Variants in BEND7 observed in about 807,000 individuals in gnomAD.
The protein encoded by BEND7 is BEN domain containing 7.
A neutral mutation model predicts 50.9 loss-of-function variants in BEND7; 28 were observed. The observed-to-expected ratio is 0.55, with a 90% confidence interval of 0.41 to 0.75. BEND7 has a LOEUF of 0.75. BEND7 is among the 30% of genes least tolerant of loss of function. The probability of loss-of-function intolerance (pLI) is 0.00; values close to 1 mark genes in which losing one functional copy is unlikely to be tolerated. For synonymous variants in BEND7, 170 were observed against 183.9 expected (o/e 0.92, Z 0.61); for missense variants, 477 against 491.3 (o/e 0.97, Z 0.28).
At chr10:13,466,873 C>T (rs1588742835) in intron 6 of BEND7, among the ~76,000 whole-genome samples, 1 of 152,196 alleles carries the variant, frequency 6.6e-6, no homozygotes, top group South Asian at 2.1e-4. Flanking sequence ...AGTTTACCCC[C>T]TCGCCAGGAG....
intron 7 of BEND7, among the ~76,000 whole-genome samples, chr10:13,452,300 A>C (rs1003196270): frequency 1.3e-5 from 2 of 152,210 alleles, no homozygotes; most frequent in Non-Finnish European, 2.9e-5. Context: ...TGAGATTAGC[A>C]ATCTTTTTCA....
chr10:13,444,425 TC>T (rs1835854138), intron 8 of BEND7: 1 of 152,172 alleles, frequency 6.6e-6, no homozygotes. Flanking sequence ...AGCATTTACA[TC>T]CCTTTCCCTG....
intron 5 of BEND7, among the ~76,000 whole-genome samples, chr10:13,489,385 A>T (rs2076483477): frequency 6.6e-6 from 1 of 152,166 alleles, no homozygotes; most frequent in African/African-American, 2.4e-5. Flanking sequence ...CGTCACACAC[A>T]GGCATTGGGC....
chr10:13,476,828 A>C (rs1391965107), intron 6 of BEND7, among the ~76,000 whole-genome samples: 1 of 152,196 alleles, frequency 6.6e-6, no homozygotes, highest in East Asian at 1.9e-4. Context: ...ACTTGGTAAG[A>C]TCATAAGTTG....
At chr10:13,526,862 A>G (rs1370494008) in intron 1 of BEND7, among the ~76,000 whole-genome samples, 1 of 152,192 alleles carries the variant, frequency 6.6e-6, no homozygotes, top group Non-Finnish European at 1.5e-5. Context: ...ACCTATAATT[A>G]AAAGAAAAAG....
At chr10:13,496,638 T>C (rs952269233) in intron 4 of BEND7, 128 bp downstream of exon 4, 5 of 1,157,084 alleles carry the variant, frequency 4.3e-6, no homozygotes, top group Non-Finnish European at 6.0e-6. Flanking sequence ...AAACAGATAC[T>C]TGAAAAGGCA....
chr10:13,527,290 G>A (rs973822085), intron 1 of BEND7, among the ~76,000 whole-genome samples: 2 of 152,178 alleles, frequency 1.3e-5, no homozygotes, highest in African/African-American at 4.8e-5. Context: ...ACTATTTCAG[G>A]CCTCTTTCAT....
chr10:13,480,401 G>A (rs1053876843), intron 6 of BEND7, among the ~76,000 whole-genome samples: 1 of 152,164 alleles, frequency 6.6e-6, no homozygotes, highest in Non-Finnish European at 1.5e-5. Flanking sequence ...CCAGGCATGT[G>A]TGGGGACGCA....
chr10:13,500,147 A>C, intron 2 of BEND7, 67 bp from the exon 3 acceptor site: 2 of 1,270,838 alleles, frequency 1.6e-6, no homozygotes, highest in Non-Finnish European at 2.2e-6. Flanking sequence ...ACTAACCAAA[A>C]AGAAGAGAAA....
downstream of BEND7, among the ~76,000 whole-genome samples, chr10:13,440,185 C>T (rs1370510180): frequency 6.6e-6 from 1 of 152,152 alleles, no homozygotes; most frequent in Non-Finnish European, 1.5e-5. Flanking sequence ...GGTCTTCGAG[C>T]TGTTCTGCCA....
At chr10:13,500,895 C>T in intron 2 of BEND7, 2 of 941,710 alleles carry the variant, frequency 2.1e-6, no homozygotes, top group South Asian at 4.9e-5. Context: ...CGCACTGCCA[C>T]CTCCCCTGCA....
Position 13,526,213 on chromosome 10 carries a change from G to A in BEND7, c.70C>T (p.His24Tyr), listed in dbSNP as rs1366758538. Reference sequence around the variant, plus strand: ...AATTCTGGGATCTTATACACCTCGTGGTGATAATCTGGCATGAGAAAACAA... The same window carrying A: ...AATTCTGGGATCTTATACACCTCGTAGTGATAATCTGGCATGAGAAAACAA... The part of the protein sequence containing the change: ...SFKLVSRDYH[H>Y]EVYKIPEFSN... Residue 24 changes from histidine (H) to tyrosine (Y), a missense_variant, in exon 2 of 9, where the codon CAC (histidine) becomes TAC (tyrosine). This residue lies in a region of BEND7 where 396 missense variants were observed against 384.2 expected (regional missense o/e 1.03). Coordinates refer to ENST00000466271, the MANE Select transcript of BEND7 (RefSeq NM_001369863.1). 2.3e-6 allele frequency: 3 copies of A among 1,287,846 alleles called. No homozygotes were observed. The highest frequency in any genetic ancestry group is 2.5e-5 in the South Asian group (2 of 80,390). The allele number at this position is 1,287,846 out of a possible 1,614,324, so 79.8% of individuals were successfully genotyped here. A position where few individuals can be genotyped will look rare whatever the true frequency, so the allele number is the denominator to read the frequency against.
upstream of BEND7, among the ~76,000 whole-genome samples, chr10:13,529,538 A>G (rs1481926320): frequency 1.3e-5 from 2 of 152,158 alleles, no homozygotes; most frequent in African/African-American, 2.4e-5. Flanking sequence ...GGATTGTGGA[A>G]AGAGCCGAGT....
intron 2 of BEND7, among the ~76,000 whole-genome samples, chr10:13,508,294 T>C (rs1170441963): frequency 1.3e-5 from 2 of 152,206 alleles, no homozygotes; most frequent in Non-Finnish European, 2.9e-5. Context: ...AGCATCAGTC[T>C]ATGGAACAGG....
At chr10:13,494,592 C>T (rs553711359) in intron 4 of BEND7, among the ~76,000 whole-genome samples, 2 of 152,324 alleles carry the variant, frequency 1.3e-5, no homozygotes, top group South Asian at 4.1e-4. Context: ...TCTGCATTCC[C>T]CCTCAAGGCT....
Position 13,528,522 on chromosome 10 carries a change from G to T in BEND7, c.12C>A (p.Ser4=). Residue 4 remains serine (S), a synonymous_variant, in exon 1 of 9, where the codon TCC becomes TCA. Coordinates refer to ENST00000466271, the MANE Select transcript of BEND7 (RefSeq NM_001369863.1). Reference sequence around the variant, plus strand: ...GGGATTTCCTGCTTCTTTTCCTCTCGGAGAACTCCATGGTGCGGGGAAGGC... The same window carrying T: ...GGGATTTCCTGCTTCTTTTCCTCTCTGAGAACTCCATGGTGCGGGGAAGGC... MEF[S]ERKRSRKSQS... is the part of the protein sequence containing the mutation. The T allele has an allele frequency of 9.6e-7, 1 of 1,037,350 alleles. No individual in the cohort carries two copies. Among genetic ancestry groups the T allele is most frequent in the Non-Finnish European group, 1.2e-6 (1 of 863,146 alleles). The allele number at this position is 1,037,350 out of a possible 1,614,324, so 64.3% of individuals were successfully genotyped here.
Position 13,458,148 on chromosome 10 carries a change from T to C in BEND7, c.1064-5490A>G, listed in dbSNP as rs527953113. Among the ~76,000 whole-genome samples the C allele has an allele frequency of 5.9e-5, 9 of 152,380 alleles. No homozygotes were observed. The East Asian group carries it at 1.7e-3, about 29-fold the overall frequency. ...CTCAATCTGATCCGTCCATGAATAA[T>C]GACTTTTCCCAGATGCTAGCATTCA... On this transcript the variant is annotated intron_variant, in intron 6 of 8. Transcript: ENST00000466271.
chr10:13,440,296 C>T (rs1305602386), downstream of BEND7, among the ~76,000 whole-genome samples: 1 of 152,316 alleles, frequency 6.6e-6, no homozygotes, highest in Admixed American at 6.5e-5. Context: ...CACAAGGGAC[C>T]CCAGGAAGCT....
chr10:13,496,065 C>A (rs1454142108), intron 4 of BEND7, among the ~76,000 whole-genome samples: 1 of 152,160 alleles, frequency 6.6e-6, no homozygotes, highest in African/African-American at 2.4e-5. Context: ...ACTTTAAGAC[C>A]ACACTAATGA....
Sources: allele counts gnomAD v4.1 joint callset (sites outside exome capture counted in the v4.1 genomes callset), GRCh38; gene constraint gnomAD v4.1.1; regional missense constraint gnomAD v4.1.1; transcripts MANE v1.5; gene names NCBI Gene and HGNC (gene_info 2026-07-23, HGNC 2026-07-21).